Variants in LRRC4C observed in about 807,000 individuals in gnomAD.
LRRC4C encodes the protein leucine rich repeat containing 4C, also known as leucine-rich repeat-containing protein 4C.
In LRRC4C, 5 loss-of-function variants were observed where a neutral mutation model predicts 33.6. The ratio of observed to expected loss-of-function variants is 0.15; its 90% CI spans 0.08 to 0.31. LRRC4C has a LOEUF of 0.31. Ranked by LOEUF, LRRC4C falls within the 10% of genes least tolerant of loss-of-function variation. The pLI, the probability that LRRC4C is intolerant of heterozygous loss-of-function variation, is 1.00. For missense variants in LRRC4C, 560 were observed against 796.7 expected (o/e 0.70, Z 3.58); for synonymous variants, 329 against 302.0 (o/e 1.09, Z -0.93).
At chr11:40,122,136 T>C (rs1855871373) in intron 6 of LRRC4C, among the ~76,000 whole-genome samples, 1 of 152,194 alleles carries the variant, frequency 6.6e-6, no homozygotes, top group African/African-American at 2.4e-5. Flanking sequence ...CTCTTTTGAC[T>C]CACCTTGCTG....
At chr11:41,353,669 TA>T (rs1411649148) in intron 1 of LRRC4C, among the ~76,000 whole-genome samples, 2 of 152,106 alleles carry the variant, frequency 1.3e-5, no homozygotes, top group Non-Finnish European at 2.9e-5. Context: ...AAAGCTAATC[TA>T]CCACAATCAA....
At chr11:41,205,748 G>A (rs988331211) in intron 1 of LRRC4C, among the ~76,000 whole-genome samples, 2 of 151,912 alleles carry the variant, frequency 1.3e-5, no homozygotes, top group African/African-American at 4.8e-5. Context: ...GTACTCCAAG[G>A]GTTTCCAGTA....
rs58767227 is a variant in LRRC4C at position 40,208,948 on chromosome 11, CGT to C, written c.-96+32569_-96+32570del. ...CCAAATCAGGGCTTTCTTTTGTGCACGTGTGTGTGTGTGTGTGTGTGTGTGTG... is the reference window on the plus strand; with the variant it reads ...CCAAATCAGGGCTTTCTTTTGTGCACGTGTGTGTGTGTGTGTGTGTGTGTG... On this transcript the variant is annotated intron_variant, in intron 5 of 6. Transcript: ENST00000528697. 3.1e-3 allele frequency among the ~76,000 whole-genome samples: 462 copies of C among 146,734 alleles called. 2 individuals are homozygous for C. The highest frequency in any genetic ancestry group is 7.9e-3 in the African/African-American group (315 of 39,862).
At chr11:40,584,040 C>G (rs1351204921) in intron 3 of LRRC4C, among the ~76,000 whole-genome samples, 2 of 151,176 alleles carry the variant, frequency 1.3e-5, no homozygotes, top group Non-Finnish European at 2.9e-5. Context: ...ACGGAAGAAA[C>G]CAAGACTTGA....
intron 1 of LRRC4C, among the ~76,000 whole-genome samples, chr11:41,335,645 G>A (rs950724540): frequency 6.6e-5 from 10 of 151,942 alleles, no homozygotes; most frequent in Admixed American, 2.0e-4. Context: ...TATTTCTCAC[G>A]TTATGTCCAG....
chr11:40,373,805 C>T (rs1344845154), intron 3 of LRRC4C, among the ~76,000 whole-genome samples: 1 of 152,176 alleles, frequency 6.6e-6, no homozygotes, highest in Non-Finnish European at 1.5e-5. Context: ...GACACACCTG[C>T]TTCTGTTTTG....
intron 3 of LRRC4C, among the ~76,000 whole-genome samples, chr11:40,362,017 A>T (rs749994235): frequency 6.6e-6 from 1 of 152,196 alleles, no homozygotes; most frequent in Non-Finnish European, 1.5e-5. Context: ...TGGGGAAAGG[A>T]TTCCCTATTC....
intron 3 of LRRC4C, among the ~76,000 whole-genome samples, chr11:40,607,832 G>A (rs754600048): frequency 4.6e-5 from 7 of 152,086 alleles, no homozygotes; most frequent in African/African-American, 7.2e-5. Flanking sequence ...ACACACACCC[G>A]CTGGGGCTTT....
chr11:40,368,119 A>T (rs1948293621), intron 3 of LRRC4C, among the ~76,000 whole-genome samples: 1 of 152,184 alleles, frequency 6.6e-6, no homozygotes, highest in South Asian at 2.1e-4. Flanking sequence ...ATTGATTATA[A>T]AGTGGGATAA....
At chr11:40,255,184 G>A (rs1311359785) in intron 4 of LRRC4C, among the ~76,000 whole-genome samples, 1 of 152,028 alleles carries the variant, frequency 6.6e-6, no homozygotes, top group Non-Finnish European at 1.5e-5. Context: ...TATGAGGATA[G>A]GACTATACTT....
At chr11:40,578,140 G>GTTTTTTTTTTTTTTCT (rs1491105578) in intron 3 of LRRC4C, among the ~76,000 whole-genome samples, 1 of 40,574 alleles carries the variant, frequency 2.5e-5, no homozygotes, top group African/African-American at 1.4e-4. Context: ...TTTTTTTTTC[G>GTTTTTTTTTTTTTTCT]GTTTTTTTTT....
intron 5 of LRRC4C, among the ~76,000 whole-genome samples, chr11:40,210,578 G>A (rs749772969): frequency 3.9e-5 from 6 of 152,040 alleles, no homozygotes; most frequent in Non-Finnish European, 8.8e-5. Flanking sequence ...CTTGGGCTAC[G>A]TGGCTCTGAT....
At chr11:40,553,499 C>T (rs760270405) in intron 3 of LRRC4C, among the ~76,000 whole-genome samples, 82 of 152,136 alleles carry the variant, frequency 5.4e-4, no homozygotes, top group Middle Eastern at 3.4e-3. Flanking sequence ...ATCATAGAAA[C>T]TATATTAGCG....
intron 2 of LRRC4C, among the ~76,000 whole-genome samples, chr11:40,694,558 G>C (rs1326977078): frequency 6.6e-6 from 1 of 152,118 alleles, no homozygotes; most frequent in African/African-American, 2.4e-5. Context: ...TATTTCCCTG[G>C]AAGTGCCAGA....
intron 2 of LRRC4C, among the ~76,000 whole-genome samples, chr11:40,729,306 T>C (rs1947447474): frequency 6.6e-6 from 1 of 152,164 alleles, no homozygotes; most frequent in South Asian, 2.1e-4. Context: ...TAGGTCAAAA[T>C]AAAAGTACTG....
intron 1 of LRRC4C, among the ~76,000 whole-genome samples, chr11:41,090,863 T>A (rs1046480216): frequency 2.0e-5 from 3 of 152,172 alleles, no homozygotes; most frequent in Non-Finnish European, 4.4e-5. Context: ...CCATCATGAT[T>A]GTAAGTTTCC....
At chr11:40,920,675 T>G (rs143416962) in intron 2 of LRRC4C, among the ~76,000 whole-genome samples, 1 of 152,110 alleles carries the variant, frequency 6.6e-6, no homozygotes, top group Non-Finnish European at 1.5e-5. Context: ...AATTCACCCA[T>G]TTATCTCAGA....
chr11:41,259,465 T>C (rs1285776908), intron 1 of LRRC4C, among the ~76,000 whole-genome samples: 3 of 152,032 alleles, frequency 2.0e-5, no homozygotes, highest in Non-Finnish European at 4.4e-5. Flanking sequence ...AACAATTATA[T>C]CTAGAAGCTG....
At chr11:40,533,152 T>C (rs968576212) in intron 3 of LRRC4C, among the ~76,000 whole-genome samples, 3 of 152,156 alleles carry the variant, frequency 2.0e-5, no homozygotes, top group Non-Finnish European at 2.9e-5. Context: ...TGGTATCATT[T>C]TGGAGCTATT....
Sources: allele counts gnomAD v4.1 joint callset (sites outside exome capture counted in the v4.1 genomes callset), GRCh38; gene constraint gnomAD v4.1.1; transcripts MANE v1.5; gene names NCBI Gene and HGNC (gene_info 2026-07-23, HGNC 2026-07-21).